Variants in HMCN2 observed in about 807,000 individuals in gnomAD.
HMCN2 encodes the protein hemicentin 2.
Under a neutral mutation model 377.5 loss-of-function variants are expected in HMCN2, and 325 were observed. That is an observed-to-expected ratio of 0.86 (90% CI 0.79 to 0.94). HMCN2 has a LOEUF of 0.94. Among genes scored for constraint, HMCN2 ranks in the 40% least tolerant of loss-of-function variants. The pLI is 0.00. For synonymous variants in HMCN2, 2,007 were observed against 2,046.8 expected (o/e 0.98, Z 0.53); for missense variants, 4,543 against 4,725.3 (o/e 0.96, Z 1.13).
chr9:130,405,170 A>C (rs1330215049), intron 81 of HMCN2, 111 bp downstream of exon 81: 2 of 699,330 alleles, frequency 2.9e-6, no homozygotes, highest in East Asian at 2.1e-4. Context: ...TGGGGAAATC[A>C]GTGTCACCAT....
intron 17 of HMCN2, among the ~76,000 whole-genome samples, 159 bp from the exon 18 acceptor site, chr9:130,320,617 G>A (rs1401673093): frequency 3.9e-5 from 6 of 152,298 alleles, no homozygotes; most frequent in African/African-American, 1.2e-4. Context: ...GTGCCCCTGC[G>A]TCCTGGACAA....
intron 1 of HMCN2, among the ~76,000 whole-genome samples, chr9:130,269,264 TC>T (rs1434053226): frequency 1.4e-4 from 13 of 91,870 alleles, no homozygotes; most frequent in Non-Finnish European, 2.0e-4. Flanking sequence ...GAGCCCTGGT[TC>T]CTTTTTTTTT....
At chr9:130,396,460 C>A in intron 73 of HMCN2, 147 bp downstream of exon 73, 1 of 569,048 alleles carries the variant, frequency 1.8e-6, no homozygotes, top group Non-Finnish European at 2.7e-6. Flanking sequence ...AGGCCCACCA[C>A]TCATGAAGGT....
chr9:130,339,722 A>G (rs1391779120), intron 23 of HMCN2, among the ~76,000 whole-genome samples: 5 of 152,230 alleles, frequency 3.3e-5, no homozygotes, highest in Non-Finnish European at 7.3e-5. Flanking sequence ...AGAGATTGAC[A>G]GATGGGCGGG....
chr9:130,398,555 T>TC lies in HMCN2; in HGVS notation c.11333dup (p.Ala3779SerfsTer28), dbSNP rs1842719036. ...TGACCACTGTGCTCTCCCCAGAGCC[T>TC]CCAGCCATCGCCCCCAGCCCCTCCA... On this transcript the variant is annotated frameshift_variant, in exon 75 of 98. Transcript: ENST00000683500. LOFTEE classifies it high-confidence loss of function. 16 of 1,238,828 alleles carry TC rather than the reference T, an allele frequency of 1.3e-5. No individual in the cohort carries two copies. In the Admixed American group the frequency reaches 4.0e-4, roughly 31 times the overall value. The allele number at this position is 1,238,828 out of a possible 1,614,324, so 76.7% of individuals were successfully genotyped here. A position where few individuals can be genotyped will look rare whatever the true frequency, so the allele number is the denominator to read the frequency against.
intron 15 of HMCN2, among the ~76,000 whole-genome samples, chr9:130,311,414 T>C (rs904156855): frequency 6.6e-6 from 1 of 152,146 alleles, no homozygotes; most frequent in Admixed American, 6.5e-5. Context: ...CCGTCTTTCA[T>C]TCCTTCAACA....
intron 85 of HMCN2, among the ~76,000 whole-genome samples, chr9:130,413,745 A>G (rs1255610063): frequency 1.3e-5 from 2 of 152,072 alleles, no homozygotes; most frequent in African/African-American, 2.4e-5. Flanking sequence ...GCACGTGCGC[A>G]CACACACGCA....
intron 85 of HMCN2, among the ~76,000 whole-genome samples, chr9:130,412,567 CT>C (rs55873444): frequency 5.0e-4 from 67 of 134,526 alleles, no homozygotes; most frequent in African/African-American, 1.5e-3. Context: ...CTTTCTTTCT[CT>C]TTTTTTTTTT....
intron 22 of HMCN2, among the ~76,000 whole-genome samples, chr9:130,337,292 A>G (rs1007604445): frequency 1.3e-5 from 2 of 151,948 alleles, no homozygotes; most frequent in Non-Finnish European, 2.9e-5. Context: ...TGGGGGCTCC[A>G]CAGCTTCCTC....
chr9:130,425,834 G>T lies in HMCN2; in HGVS notation c.13789G>T (p.Val4597Leu). ...NAARGPQPQL[V>L]QHLRASAISS... ...GGCCCGGGGCCCCCAGCCCCAGCTG[G>T]TGCAGCACCTGCGGGCCTCAGCTAT... The change falls in exon 90 of 98, where the codon GTG (valine) becomes TTG (leucine). Residue 4597 changes from valine to leucine, a missense_variant. Coordinates refer to ENST00000683500, the MANE Select transcript of HMCN2 (RefSeq NM_001291815.2). 6.4e-7 allele frequency: 1 copy of T among 1,550,476 alleles called. No individual in the cohort carries two copies.
chr9:130,359,281 G>A (rs1275094024), intron 36 of HMCN2, 38 bp from the exon 37 acceptor site: 2 of 1,169,276 alleles, frequency 1.7e-6, no homozygotes, highest in Non-Finnish European at 2.3e-6. Flanking sequence ...CCCAGAGCTT[G>A]CACCTACCAA....
At chr9:130,397,771 G>A (rs1370097129) in intron 74 of HMCN2, 116 bp downstream of exon 74, 7 of 978,500 alleles carry the variant, frequency 7.2e-6, no homozygotes, top group Non-Finnish European at 9.4e-6. Flanking sequence ...AAATGTTTTT[G>A]ACCATGAAGC....
chr9:130,286,287 C>T lies in HMCN2; in HGVS notation c.589C>T (p.Leu197=). 2.1e-6 allele frequency: 1 copy of T among 471,084 alleles called. No homozygotes were observed. The highest frequency in any genetic ancestry group is 1.5e-5 in the South Asian group (1 of 64,560). The allele number at this position is 471,084 out of a possible 1,614,324, so 29.2% of individuals were successfully genotyped here. A position where few individuals can be genotyped will look rare whatever the true frequency, so the allele number is the denominator to read the frequency against. ...CACCAGCTCTGGGCAGGTGTTCCAC[C>T]TGGACAAGCAGCAAGTGACAGAGGT... The part of the protein sequence containing the change: ...AATSSGQVFH[L]DKQQVTEVLK... The change falls in exon 4 of 98, where the codon CTG becomes TTG. Residue 197 remains leucine (L), a synonymous_variant. Transcript: ENST00000683500.
At chr9:130,306,780 G>T in intron 12 of HMCN2, 31 bp from the exon 13 acceptor site, 1 of 452,058 alleles carries the variant, frequency 2.2e-6, no homozygotes, top group South Asian at 1.6e-5. Flanking sequence ...CCCCTTTTGT[G>T]ACCCGATGTG....
chr9:130,331,674 C>T (rs1838436016), intron 22 of HMCN2, among the ~76,000 whole-genome samples: 1 of 152,164 alleles, frequency 6.6e-6, no homozygotes, highest in Non-Finnish European at 1.5e-5. Flanking sequence ...CGATGGTGGC[C>T]AGAGAGCATC....
rs1836617751 is a variant in HMCN2 at position 130,303,213 on chromosome 9, G to A, written c.1421+212G>A. On this transcript the variant is annotated intron_variant, in intron 9 of 97. Coordinates refer to ENST00000683500, the MANE Select transcript of HMCN2 (RefSeq NM_001291815.2). This position sits in a 1 kb window ranked among gnomAD's most constrained non-coding sequence, Gnocchi z 5.2. ...CACTGCTGGGCCATCAGCTGGTGAA[G>A]GAGCCGGGGGCCTTCCTCAGCTCCT... Among the ~76,000 whole-genome samples the A allele has an allele frequency of 1.3e-5, 2 of 152,250 alleles. No homozygotes were observed. The highest frequency in any genetic ancestry group is 4.8e-5 in the African/African-American group (2 of 41,462).
intron 48 of HMCN2, among the ~76,000 whole-genome samples, chr9:130,373,569 A>C (rs1841164636): frequency 1.9e-5 from 1 of 51,484 alleles, no homozygotes; most frequent in African/African-American, 8.6e-5. Flanking sequence ...GGGTTGAAGG[A>C]TGGATGGATG....
At chr9:130,357,350 G>C (rs1840094151) in intron 34 of HMCN2, among the ~76,000 whole-genome samples, 2 of 141,270 alleles carry the variant, frequency 1.4e-5, no homozygotes, top group East Asian at 2.3e-4. Flanking sequence ...GGATGAATGG[G>C]GGAGTGGATG....
Position 130,430,279 on chromosome 9 carries a change from T to G in HMCN2, c.14327-5T>G. 5 of 1,533,752 alleles carry G rather than the reference T, an allele frequency of 3.3e-6. No individual in the cohort carries two copies. The highest frequency in any genetic ancestry group is 4.4e-6 in the Non-Finnish European group (5 of 1,143,534). ...GTGCACACACCTGACCCCACCCGTC[T>G]GCAGATGTCAATGAGTGCCTGCAGC... On this transcript the variant is annotated splice_polypyrimidine_tract_variant and splice_region_variant and intron_variant, in intron 94 of 97. Transcript: ENST00000683500.
Sources: gnomAD v4.1 joint callset for allele counts (sites outside exome capture counted in the v4.1 genomes callset) on GRCh38, gnomAD v4.1.1 for gene constraint, Gnocchi (gnomAD v3.1) non-coding constraint, MANE v1.5 for transcripts, NCBI Gene and HGNC (gene_info 2026-07-23, HGNC 2026-07-21) for gene names.